The following RBFOX3 variants were observed in gnomAD, a reference collection of about 807,000 sequenced individuals.
RBFOX3 encodes the protein RNA binding protein fox-1 homolog 3.
A neutral mutation model predicts 48.7 loss-of-function variants in RBFOX3; 17 were observed. That is an observed-to-expected ratio of 0.35 (90% CI 0.24 to 0.52). The LOEUF (loss-of-function observed/expected upper bound fraction) is 0.52, where lower values mean the gene tolerates loss of function less well. Ranked by LOEUF, RBFOX3 falls within the 20% of genes least tolerant of loss-of-function variation. The probability of loss-of-function intolerance (pLI) is 0.94; values close to 1 mark genes in which losing one functional copy is unlikely to be tolerated. For synonymous variants in RBFOX3, 212 were observed against 209.5 expected, an observed-to-expected ratio of 1.01 and a Z score of -0.10; for missense variants, 382 against 497.5, an observed-to-expected ratio of 0.77 and a Z score of 2.21.
the RBFOX3 span, among the ~76,000 whole-genome samples, chr17:79,636,821 T>C: frequency 3.3e-5 from 5 of 152,164 alleles, no homozygotes; most frequent in East Asian, 7.7e-4. Flanking sequence ...TATAAACATT[T>C]ACATTACATG....
Position 79,349,722 on chromosome 17 carries a change from G to T in RBFOX3, c.-174-41898C>A, listed in dbSNP as rs111611429. On this transcript the variant is annotated intron_variant, in intron 2 of 14. Transcript: ENST00000693108. The stretch of plus-strand genomic sequence containing the variant: ...GGGCTCAGCCCAGCCCTGGAATACC[G>T]TCACAGCTCAACAAAGATGCGTCAT... 8.2e-4 allele frequency among the ~76,000 whole-genome samples: 125 copies of T among 152,140 alleles called. 2 individuals carry two copies. The highest frequency in any genetic ancestry group is 3.4e-3 in the Middle Eastern group (1 of 292).
intron 4 of RBFOX3, among the ~76,000 whole-genome samples, chr17:79,147,325 C>A (rs1041158657): frequency 2.0e-5 from 3 of 152,230 alleles, no homozygotes; most frequent in African/African-American, 7.2e-5. Context: ...CTACGCAGCC[C>A]ATTTTACAGA....
intron 2 of RBFOX3, among the ~76,000 whole-genome samples, chr17:79,394,574 GCA>G (rs1368784816): frequency 6.6e-6 from 1 of 152,204 alleles, no homozygotes; most frequent in African/African-American, 2.4e-5. Flanking sequence ...AAGGCAGCAC[GCA>G]CAGTCCTCCC....
At chr17:79,378,809 G>A (rs1034903511) in intron 2 of RBFOX3, among the ~76,000 whole-genome samples, 11 of 152,180 alleles carry the variant, frequency 7.2e-5, no homozygotes, top group East Asian at 3.8e-4. Flanking sequence ...CCTCGCCCCC[G>A]GAACCCTTTC....
At chr17:79,595,906 T>C (rs1019563079) in intron 1 of RBFOX3, among the ~76,000 whole-genome samples, 4 of 152,222 alleles carry the variant, frequency 2.6e-5, no homozygotes, top group Admixed American at 2.6e-4. Flanking sequence ...CACTTCTGTT[T>C]TCCATTAGCA....
intron 4 of RBFOX3, among the ~76,000 whole-genome samples, chr17:79,210,189 C>T (rs542943600): frequency 2.5e-4 from 38 of 152,246 alleles, no homozygotes; most frequent in Admixed American, 8.5e-4. Context: ...GGGGGCCACC[C>T]GGTTAGGGCA....
chr17:79,239,329 G>A (rs2062032231), intron 3 of RBFOX3, among the ~76,000 whole-genome samples: 1 of 152,178 alleles, frequency 6.6e-6, no homozygotes, highest in Admixed American at 6.5e-5. Context: ...ACACGGAGCT[G>A]ATTCTCAGCC....
At chr17:79,475,131 G>A (rs1033200017) in intron 2 of RBFOX3, among the ~76,000 whole-genome samples, 2 of 152,134 alleles carry the variant, frequency 1.3e-5, no homozygotes, top group Non-Finnish European at 2.9e-5. Context: ...TCTCAAGTCC[G>A]ATCTCAGCAG....
At chr17:79,495,381 C>G (rs112241456) in intron 1 of RBFOX3, among the ~76,000 whole-genome samples, 2,152 of 25,876 alleles carry the variant, frequency 0.083, 154 homozygotes, top group Non-Finnish European at 0.12. Flanking sequence ...GTAGAAGCCA[C>G]GATGGGGTGG....
chr17:79,123,113 A>G (rs987410156), intron 4 of RBFOX3, among the ~76,000 whole-genome samples: 3 of 152,226 alleles, frequency 2.0e-5, no homozygotes, highest in Non-Finnish European at 2.9e-5. Context: ...GGTACAAAAG[A>G]GCAGAAAGAA....
At chr17:79,335,644 T>C (rs1489390200) in intron 2 of RBFOX3, among the ~76,000 whole-genome samples, 2 of 152,196 alleles carry the variant, frequency 1.3e-5, no homozygotes, top group Non-Finnish European at 2.9e-5. Flanking sequence ...GGCTCTTGCT[T>C]TCTGCCCTGG....
intron 1 of RBFOX3, among the ~76,000 whole-genome samples, chr17:79,570,132 G>A (rs1410567715): frequency 2.7e-5 from 4 of 150,798 alleles, no homozygotes; most frequent in Middle Eastern, 3.4e-3. Flanking sequence ...ATGGTAGATG[G>A]ATGAATGGCA....
At chr17:79,498,859 C>T (rs560791469) in intron 1 of RBFOX3, among the ~76,000 whole-genome samples, 4 of 107,986 alleles carry the variant, frequency 3.7e-5, no homozygotes, top group South Asian at 7.9e-4. Flanking sequence ...ACCACATCTA[C>T]CCATTCGCTC....
Position 79,363,590 on chromosome 17 carries a change from C to T in RBFOX3, c.-174-55766G>A, listed in dbSNP as rs1239077964. Among the ~76,000 whole-genome samples the T allele has an allele frequency of 3.3e-5, 5 of 151,976 alleles. No individual in the cohort carries two copies. The highest frequency in any genetic ancestry group is 3.9e-4 in the East Asian group (2 of 5,178). ...CTGCCCAGCTTCCCTGGGGGGTCTCCGCGAGCAACATACCTCTTACCCAGG... is the reference window on the plus strand; with the variant it reads ...CTGCCCAGCTTCCCTGGGGGGTCTCTGCGAGCAACATACCTCTTACCCAGG... On this transcript the variant is annotated intron_variant, in intron 2 of 14. Coordinates refer to ENST00000693108, the MANE Select transcript of RBFOX3 (RefSeq NM_001350451.2). The surrounding 1 kb of genome is among the most constrained non-coding windows in gnomAD (Gnocchi z 4.7).
chr17:79,616,410 C>A, the RBFOX3 span, among the ~76,000 whole-genome samples: 3 of 151,934 alleles, frequency 2.0e-5, no homozygotes, highest in East Asian at 5.8e-4. Context: ...GTGGAGGGCA[C>A]CTATAATCCC....
intron 1 of RBFOX3, among the ~76,000 whole-genome samples, chr17:79,609,333 T>A (rs1440613827): frequency 2.0e-5 from 3 of 151,868 alleles, no homozygotes; most frequent in Non-Finnish European, 2.9e-5. Context: ...GCCCAAGGCG[T>A]CCCCGAGTCC....
At position 79,500,250 on chromosome 17, in the gene RBFOX3, C is replaced by CTTT. The variant is rs1222646327; in HGVS notation, c.-319-17655_-319-17653dup. Reference sequence around the variant, plus strand: ...ACTTGTGAACCATAAAGAGAAATGACTTTTTTTTTTTTTTTTTTTTTTTTG... The same window carrying CTTT: ...ACTTGTGAACCATAAAGAGAAATGACTTTTTTTTTTTTTTTTTTTTTTTTTTTG... On this transcript the variant is annotated intron_variant, in intron 1 of 14. Coordinates refer to ENST00000693108, the MANE Select transcript of RBFOX3 (RefSeq NM_001350451.2). Among the ~76,000 whole-genome samples, 412 of 104,222 alleles carry CTTT rather than the reference C, an allele frequency of 4.0e-3. 4 individuals are homozygous for CTTT. Among genetic ancestry groups the CTTT allele is most frequent in the African/African-American group, 0.013 (328 of 25,798 alleles). 68.4% of individuals were successfully genotyped at this position (104,222 alleles called of 152,430 possible). A position where few individuals can be genotyped will look rare whatever the true frequency, so the allele number is the denominator to read the frequency against.
At chr17:79,095,684 A>T in intron 12 of RBFOX3, 110 bp from the exon 13 acceptor site, 3 of 914,878 alleles carry the variant, frequency 3.3e-6, no homozygotes, top group Non-Finnish European at 5.1e-6. Context: ...CCTGGGAGGG[A>T]CTACAGACCT....
chr17:79,144,763 C>T lies in RBFOX3; in HGVS notation c.-33-29015G>A, dbSNP rs573868588. Among the ~76,000 whole-genome samples the T allele has an allele frequency of 9.2e-5, 14 of 152,308 alleles. No individual in the cohort carries two copies. In the East Asian group the frequency reaches 2.3e-3, roughly 25 times the overall value. ...CCTAAACTGAGGACTAGGTGCCCCCCACTCGGGCACAGGAAGGCAGAGCTC... is the reference window on the plus strand; with the variant it reads ...CCTAAACTGAGGACTAGGTGCCCCCTACTCGGGCACAGGAAGGCAGAGCTC... On this transcript the variant is annotated intron_variant, in intron 4 of 14. Coordinates refer to ENST00000693108, the MANE Select transcript of RBFOX3 (RefSeq NM_001350451.2).
Sources: allele counts gnomAD v4.1 joint callset (sites outside exome capture counted in the v4.1 genomes callset), GRCh38; gene constraint gnomAD v4.1.1; non-coding constraint Gnocchi (gnomAD v3.1); transcripts MANE v1.5; gene names NCBI Gene and HGNC (gene_info 2026-07-23, HGNC 2026-07-21).